TENM3: variants seen among roughly 807,000 people sequenced by gnomAD.
TENM3 encodes teneurin transmembrane protein 3, also known as teneurin-3.
A neutral mutation model predicts 255.1 loss-of-function variants in TENM3; 63 were observed. That is an observed-to-expected ratio of 0.25 (90% CI 0.20 to 0.30). The LOEUF (loss-of-function observed/expected upper bound fraction) is 0.30, where lower values mean the gene tolerates loss of function less well. Ranked by LOEUF, TENM3 falls within the 10% of genes least tolerant of loss-of-function variation. TENM3 has a pLI of 1.00. For synonymous variants in TENM3, 1,306 were observed against 1,322.3 expected (o/e 0.99, Z 0.27); for missense variants, 2,929 against 3,461.1 (o/e 0.85, Z 3.86).
chr4:181,705,663 G>C, the TENM3 span, among the ~76,000 whole-genome samples: 1 of 152,186 alleles, frequency 6.6e-6, no homozygotes, highest in Non-Finnish European at 1.5e-5. Context: ...ACTAGGTGAT[G>C]GGTTGATAGA....
chr4:182,161,455 C>T lies in TENM3; in HGVS notation c.-76+16701C>T, dbSNP rs1424050684. On this transcript the variant is annotated intron_variant, in intron 1 of 2. Transcript: ENST00000512480. The stretch of plus-strand genomic sequence containing the variant: ...AAAAAAAATTAGCTGGGCGTGGTGG[C>T]GCACACCTGTAATCCCAACTACTCG... 1.2e-3 allele frequency among the ~76,000 whole-genome samples: 165 copies of T among 139,010 alleles called. 3 individuals are homozygous for T. The highest frequency in any genetic ancestry group is 2.1e-3 in the African/African-American group (77 of 36,936). The allele number at this position is 139,010 out of a possible 152,430, so 91.2% of individuals were successfully genotyped here.
At chr4:182,798,554 G>A (rs889739588) in intron 27 of TENM3, among the ~76,000 whole-genome samples, 13 of 152,206 alleles carry the variant, frequency 8.5e-5, no homozygotes, top group African/African-American at 2.9e-4. Flanking sequence ...GCCTCCCTGC[G>A]GTTAAGCAGT....
the TENM3 span, among the ~76,000 whole-genome samples, chr4:181,644,251 T>A: frequency 4.3e-3 from 654 of 151,918 alleles, 4 homozygotes; most frequent in African/African-American, 0.015. Context: ...GAGCCCGTAA[T>A]AGTTTCTGAT....
intron 3 of TENM3, among the ~76,000 whole-genome samples, chr4:182,432,849 G>GTGTGTGTGTGTGTGTGTGTGTGTGT (rs1554066038): frequency 0.021 from 3,025 of 143,038 alleles, 93 homozygotes; most frequent in South Asian, 0.036. Flanking sequence ...AATGGATTTG[G>GTGTGTGTGTGTGTGTGTGTGTGTGT]GTGTGTGTGT....
At position 182,738,526 on chromosome 4, in the gene TENM3, G is replaced by T; in HGVS notation, c.3361G>T (p.Val1121Leu). ...MGGWTLDKHH[V>L]LDVQNGILYK... ...TGGCTGGACATTAGATAAACATCAC[G>T]TGCTGGATGTACAGAACGGTAAGCT... The change falls in exon 18 of 28, where the codon GTG (valine) becomes TTG (leucine). Residue 1121 changes from valine (V) to leucine (L), a missense_variant. Physicochemically the swap from Val to Leu is conservative, Grantham distance 32. This residue lies in a region of TENM3 where 1,608 missense variants were observed against 1,884.4 expected (regional missense o/e 0.85). Transcript: ENST00000511685. 3 of 1,612,626 alleles carry T rather than the reference G, an allele frequency of 1.9e-6. No individual in the cohort carries two copies. The highest frequency in any genetic ancestry group is 2.5e-6 in the Non-Finnish European group (3 of 1,179,278).
the TENM3 span, among the ~76,000 whole-genome samples, chr4:181,550,807 C>A: frequency 1.3e-5 from 2 of 152,050 alleles, no homozygotes; most frequent in Admixed American, 1.3e-4. Flanking sequence ...AGTAACGGTC[C>A]CATATTTACA....
chr4:182,350,033 G>GAAAA (rs10644033), intron 3 of TENM3: 15 of 152,176 alleles, frequency 9.9e-5, no homozygotes, highest in South Asian at 2.0e-4. Context: ...GTTTTTCCCA[G>GAAAA]AAAAAAAAAA....
chr4:181,553,341 C>T, the TENM3 span, among the ~76,000 whole-genome samples: 5 of 149,676 alleles, frequency 3.3e-5, no homozygotes, highest in Admixed American at 6.7e-5. Context: ...TATATACACA[C>T]ACACACACAC....
At chr4:181,453,004 C>T in the TENM3 span, among the ~76,000 whole-genome samples, 15 of 152,070 alleles carry the variant, frequency 9.9e-5, no homozygotes. Context: ...GTGTGATTGC[C>T]CAGCACTACT....
At chr4:182,009,848 A>G in the TENM3 span, among the ~76,000 whole-genome samples, 146 of 152,334 alleles carry the variant, frequency 9.6e-4, no homozygotes, top group Middle Eastern at 0.014. Flanking sequence ...GTTCGCGAGT[A>G]GGATCTTCCT....
At chr4:181,586,581 C>G in the TENM3 span, among the ~76,000 whole-genome samples, 1 of 152,170 alleles carries the variant, frequency 6.6e-6, no homozygotes, top group African/African-American at 2.4e-5. Flanking sequence ...GTGGCTCACA[C>G]CTGTAATCCC....
chr4:181,884,611 G>A, the TENM3 span, among the ~76,000 whole-genome samples: 8 of 152,210 alleles, frequency 5.3e-5, 1 homozygote, highest in African/African-American at 1.7e-4. Flanking sequence ...AGGTTCATCC[G>A]TGTTGTAGCA....
chr4:181,736,850 C>G, the TENM3 span, among the ~76,000 whole-genome samples: 2 of 152,014 alleles, frequency 1.3e-5, no homozygotes, highest in African/African-American at 2.4e-5. Flanking sequence ...CCACTGAAAT[C>G]TTAGGGGAAG....
chr4:182,422,831 C>G (rs1477479740), intron 3 of TENM3, among the ~76,000 whole-genome samples: 1 of 152,192 alleles, frequency 6.6e-6, no homozygotes, highest in Non-Finnish European at 1.5e-5. Flanking sequence ...TATATTAACT[C>G]ACTTTTAGCA....
At chr4:182,423,174 G>C (rs553778355) in intron 3 of TENM3, among the ~76,000 whole-genome samples, 2 of 152,064 alleles carry the variant, frequency 1.3e-5, no homozygotes, top group African/African-American at 4.8e-5. Flanking sequence ...GTGTGTGTAC[G>C]TGTGTGTATG....
chr4:181,597,265 T>C, the TENM3 span, among the ~76,000 whole-genome samples: 1 of 152,222 alleles, frequency 6.6e-6, no homozygotes, highest in African/African-American at 2.4e-5. Flanking sequence ...TATTTAGTGA[T>C]TGAAGTAAGT....
intron 1 of TENM3, among the ~76,000 whole-genome samples, chr4:182,298,045 C>A (rs192560327): frequency 2.6e-5 from 4 of 152,220 alleles, no homozygotes; most frequent in Non-Finnish European, 4.4e-5. Flanking sequence ...TTACGTTGAA[C>A]GTCACCTCCT....
chr4:182,496,120 G>A lies in TENM3; in HGVS notation c.512-104804G>A, dbSNP rs188067765. On this transcript the variant is annotated intron_variant, in intron 3 of 27. Coordinates refer to ENST00000511685, the MANE Select transcript of TENM3 (RefSeq NM_001080477.4). The stretch of plus-strand genomic sequence containing the variant: ...TTATTGCATGATAGAATTAAAGTTT[G>A]TGTATATGTCCGGACCCCTTTTTAA... Among the ~76,000 whole-genome samples, 372 of 152,252 alleles carry A rather than the reference G, an allele frequency of 2.4e-3. 6 individuals are homozygous for A. The highest frequency in any genetic ancestry group is 0.022 in the Admixed American group (343 of 15,300).
At chr4:182,767,690 G>T (rs1189040104) in intron 22 of TENM3, among the ~76,000 whole-genome samples, 1 of 152,102 alleles carries the variant, frequency 6.6e-6, no homozygotes, top group Non-Finnish European at 1.5e-5. Flanking sequence ...GAGAAAGATG[G>T]GTTAATTAAG....
Sources: allele counts gnomAD v4.1 joint callset (sites outside exome capture counted in the v4.1 genomes callset), GRCh38; gene constraint gnomAD v4.1.1; regional missense constraint gnomAD v4.1.1; transcripts MANE v1.5; gene names NCBI Gene and HGNC (gene_info 2026-07-23, HGNC 2026-07-21).